LCP2: variants seen among roughly 807,000 people sequenced by gnomAD.
The protein encoded by LCP2 is 76 kDa tyrosine phosphoprotein.
LCP2 carries 29 observed loss-of-function variants against 74.5 expected under a neutral mutation model. The observed-to-expected ratio is 0.39, with a 90% CI of 0.29 to 0.53. The LOEUF is 0.53. Among genes scored for constraint, LCP2 ranks in the 20% least tolerant of loss-of-function variants. The pLI is 0.72. For synonymous variants in LCP2, 228 were observed against 229.5 expected (o/e 0.99, Z 0.06); for missense variants, 604 against 634.6 (o/e 0.95, Z 0.52).
rs566227805 is a variant in LCP2 at position 170,247,338 on chromosome 5, C to T, written c.*1359G>A. On this transcript the variant is annotated 3_prime_UTR_variant, in exon 21 of 21. Coordinates refer to ENST00000046794, the MANE Select transcript of LCP2 (RefSeq NM_005565.5). ...TTTTATCATCAGTTAAAAGTCTCTACCTTCTGCATACTCCTTATTTTAACA... is the reference window on the plus strand; with the variant it reads ...TTTTATCATCAGTTAAAAGTCTCTATCTTCTGCATACTCCTTATTTTAACA... 1 of 152,308 alleles carries T rather than the reference C, an allele frequency of 6.6e-6. No homozygotes were observed. The highest frequency in any genetic ancestry group is 1.9e-4 in the East Asian group (1 of 5,188). The allele number at this position is 152,308 out of a possible 1,614,324, so 9.4% of individuals were successfully genotyped here.
intron 7 of LCP2, chr5:170,270,362 G>A (rs998887523): frequency 1.3e-4 from 27 of 209,922 alleles, no homozygotes; most frequent in African/African-American, 5.5e-4. Context: ...GAACAGGAAA[G>A]TACTCTTGGA....
chr5:170,297,576 G>T lies in LCP2; in HGVS notation c.36C>A (p.Val12=). ...CAAGGCTGTCGGGGTCCCAGCCCAG[G>T]ACCTCTGAGCGAAAGGGCACATTCC... ...ALRNVPFRSE[V]LGWDPDSLAD... Residue 12 remains valine, a synonymous_variant, in exon 1 of 21, where the codon GTC becomes GTA. Transcript: ENST00000046794. 2 of 1,613,038 alleles carry T rather than the reference G, an allele frequency of 1.2e-6. No individual in the cohort carries two copies. The highest frequency in any genetic ancestry group is 1.7e-6 in the Non-Finnish European group (2 of 1,179,532).
chr5:170,289,676 TCTCTCTC>T, intron 2 of LCP2, among the ~76,000 whole-genome samples: 1 of 146,158 alleles, frequency 6.8e-6, no homozygotes, highest in Admixed American at 6.8e-5. Flanking sequence ...TTTCTTTCTC[TCTCTCTC>T]TCTTTCTTTC....
chr5:170,296,852 A>G (rs1049299701), intron 1 of LCP2, among the ~76,000 whole-genome samples: 5 of 152,284 alleles, frequency 3.3e-5, no homozygotes, highest in African/African-American at 7.2e-5. Context: ...TGGGGCTCAC[A>G]TCAGTTTTCT....
chr5:170,290,994 AAGAAAGAG>A (rs879865978), intron 2 of LCP2, among the ~76,000 whole-genome samples: 5,048 of 75,758 alleles, frequency 0.067, 160 homozygotes, highest in Middle Eastern at 0.17. Flanking sequence ...GAAAGAAAGA[AAGAAAGAG>A]AGAAAGAAAG....
chr5:170,261,251 G>A (rs1761645027), intron 13 of LCP2, 114 bp from the exon 14 acceptor site: 1 of 743,202 alleles, frequency 1.3e-6, no homozygotes, highest in Non-Finnish European at 2.4e-6. Flanking sequence ...ACTGAGCCTA[G>A]GGAAGATGGG....
rs988500655 is a variant in LCP2, at chr5:170,266,944, G to C, written c.689-53C>G. On this transcript the variant is annotated intron_variant, in intron 9 of 20. Coordinates refer to ENST00000046794, the MANE Select transcript of LCP2 (RefSeq NM_005565.5). ...TAAAAGAAGAAAGCAGTCGGCTGGG[G>C]GTTGGGCGGGGCTAGGGGAGTGCCT... 6.2e-6 allele frequency: 10 copies of C among 1,609,498 alleles called. No homozygotes were observed. The African/African-American group carries it at 1.3e-4, about 22-fold the overall frequency.
chr5:170,289,621 CTTT>C (rs1762244426), intron 2 of LCP2, among the ~76,000 whole-genome samples: 2 of 76,016 alleles, frequency 2.6e-5, no homozygotes, highest in Non-Finnish European at 2.8e-5. Context: ...CTTTCTTTTT[CTTT>C]CTTTCTTTCT....
intron 6 of LCP2, 51 bp downstream of exon 6, chr5:170,274,250 C>G (rs989677797): frequency 2.5e-6 from 4 of 1,591,974 alleles, no homozygotes; most frequent in Non-Finnish European, 3.4e-6. Context: ...TATCACAAAG[C>G]TGCCCTGGAC....
At chr5:170,282,712 C>T (rs1762124874) in intron 3 of LCP2, among the ~76,000 whole-genome samples, 1 of 152,194 alleles carries the variant, frequency 6.6e-6, no homozygotes, top group African/African-American at 2.4e-5. Flanking sequence ...TTCCCATTAA[C>T]CCTCTGAGGT....
At chr5:170,286,834 C>T (rs751674423) in intron 3 of LCP2, among the ~76,000 whole-genome samples, 4 of 152,112 alleles carry the variant, frequency 2.6e-5, no homozygotes, top group Non-Finnish European at 4.4e-5. Context: ...GCCTACTTCC[C>T]TTTTATTATG....
At chr5:170,264,901 G>A (rs1438157436) in intron 10 of LCP2, among the ~76,000 whole-genome samples, 1 of 151,490 alleles carries the variant, frequency 6.6e-6, no homozygotes, top group Non-Finnish European at 1.5e-5. Flanking sequence ...GGTTTGGGGT[G>A]GAACCTCTAC....
intron 1 of LCP2, 145 bp from the exon 2 acceptor site, chr5:170,293,517 C>T: frequency 1.4e-6 from 1 of 725,598 alleles, no homozygotes; most frequent in Admixed American, 2.4e-5. Context: ...TAACAGAGGG[C>T]CCAGTCCCCA....
At chr5:170,281,424 T>G (rs551710804) in intron 3 of LCP2, among the ~76,000 whole-genome samples, 4 of 152,058 alleles carry the variant, frequency 2.6e-5, no homozygotes, top group Non-Finnish European at 4.4e-5. Flanking sequence ...GGACTACAGG[T>G]GCCTGCCACC....
chr5:170,252,721 G>C, intron 18 of LCP2: 1 of 536,870 alleles, frequency 1.9e-6, no homozygotes, highest in East Asian at 3.1e-5. Flanking sequence ...GACACTGGTT[G>C]CAAAAATGCC....
intron 3 of LCP2, among the ~76,000 whole-genome samples, chr5:170,278,535 G>A (rs964307128): frequency 7.4e-5 from 11 of 149,614 alleles, no homozygotes; most frequent in Non-Finnish European, 1.0e-4. Context: ...GTGCAGGGGT[G>A]GGATGCGGTT....
intron 2 of LCP2, among the ~76,000 whole-genome samples, chr5:170,288,386 C>T (rs774398651): frequency 1.3e-5 from 2 of 152,206 alleles, no homozygotes; most frequent in African/African-American, 4.8e-5. Flanking sequence ...CTTCCCTACA[C>T]CCCAGACCTC....
At chr5:170,272,597 C>CTTTCTTTTTTT (rs1761913938) in intron 6 of LCP2, among the ~76,000 whole-genome samples, 2 of 40,342 alleles carry the variant, frequency 5.0e-5, no homozygotes, top group East Asian at 2.5e-3. Context: ...CAAATATTTT[C>CTTTCTTTTTTT]TTTTTTTTTT....
intron 1 of LCP2, among the ~76,000 whole-genome samples, chr5:170,295,554 G>A (rs764632665): frequency 2.6e-5 from 4 of 152,212 alleles, no homozygotes; most frequent in African/African-American, 4.8e-5. Flanking sequence ...AAGTGTGTCC[G>A]ACCTCAGAGC....
Sources: allele counts gnomAD v4.1 joint callset (sites outside exome capture counted in the v4.1 genomes callset), GRCh38; gene constraint gnomAD v4.1.1; transcripts MANE v1.5; gene names NCBI Gene and HGNC (gene_info 2026-07-23, HGNC 2026-07-21).